The following GALNT13 variants were observed in gnomAD, a reference collection of about 807,000 sequenced individuals.
The protein encoded by GALNT13 is polypeptide N-acetylgalactosaminyltransferase 13, also known as UDP-GalNAc:polypeptide N-acetylgalactosaminyltransferase 13.
A neutral mutation model predicts 64.2 loss-of-function variants in GALNT13; 28 were observed. The ratio of observed to expected loss-of-function variants is 0.44; its 90% CI spans 0.32 to 0.60. The LOEUF (loss-of-function observed/expected upper bound fraction) is 0.60. GALNT13 is among the 20% of genes least tolerant of loss of function. The probability of loss-of-function intolerance (pLI) is 0.05; values close to 1 mark genes in which losing one functional copy is unlikely to be tolerated. For missense variants in GALNT13, 577 were observed against 669.8 expected (o/e 0.86, Z 1.53); for synonymous variants, 214 against 224.6 (o/e 0.95, Z 0.42).
intron 4 of GALNT13, among the ~76,000 whole-genome samples, chr2:154,222,390 T>C (rs1052489268): frequency 6.6e-6 from 1 of 152,144 alleles, no homozygotes; most frequent in African/African-American, 2.4e-5. Context: ...GATCAGCCAA[T>C]ATCATGAAAG....
chr2:154,025,463 C>A (rs1181537622), intron 3 of GALNT13, among the ~76,000 whole-genome samples: 1 of 152,132 alleles, frequency 6.6e-6, no homozygotes, highest in Admixed American at 6.5e-5. Flanking sequence ...ATAACACATT[C>A]ATTCTTTATG....
chr2:154,424,428 A>G (rs1200996640), intron 11 of GALNT13, among the ~76,000 whole-genome samples: 1 of 152,200 alleles, frequency 6.6e-6, no homozygotes, highest in Admixed American at 6.5e-5. Context: ...GTATATTTTA[A>G]ATGACCACTG....
At chr2:153,436,227 T>G in the GALNT13 span, among the ~76,000 whole-genome samples, 1 of 152,230 alleles carries the variant, frequency 6.6e-6, no homozygotes, top group East Asian at 1.9e-4. Context: ...GGATTCGTTT[T>G]GCCAGTATTT....
chr2:153,696,695 CT>C, the GALNT13 span, among the ~76,000 whole-genome samples: 1 of 152,166 alleles, frequency 6.6e-6, no homozygotes, highest in Non-Finnish European at 1.5e-5. Flanking sequence ...TACGTTTGGA[CT>C]GCAGTTGACC....
the GALNT13 span, among the ~76,000 whole-genome samples, chr2:153,564,971 C>T: frequency 6.6e-6 from 1 of 152,110 alleles, no homozygotes; most frequent in Non-Finnish European, 1.5e-5. Flanking sequence ...GCAGCCTTAG[C>T]GCCTAAGGGT....
At chr2:153,406,366 C>T in the GALNT13 span, among the ~76,000 whole-genome samples, 1 of 152,050 alleles carries the variant, frequency 6.6e-6, no homozygotes, top group African/African-American at 2.4e-5. Context: ...ATTTTAACAT[C>T]ACTCTTAAGA....
the GALNT13 span, among the ~76,000 whole-genome samples, chr2:153,559,150 AAGCATCATTATAAT>A: frequency 6.6e-6 from 1 of 152,216 alleles, no homozygotes; most frequent in Non-Finnish European, 1.5e-5. Flanking sequence ...TTTGTAATAT[AAGCATCATTATAAT>A]AGCTAACAAA....
chr2:154,344,026 T>C (rs1003736225), intron 9 of GALNT13, among the ~76,000 whole-genome samples: 4 of 151,966 alleles, frequency 2.6e-5, no homozygotes, highest in Non-Finnish European at 5.9e-5. Context: ...AGGGACACTC[T>C]TTTCTCTCTC....
At chr2:154,258,682 C>G (rs1690519714) in intron 7 of GALNT13, among the ~76,000 whole-genome samples, 1 of 151,044 alleles carries the variant, frequency 6.6e-6, no homozygotes, top group Admixed American at 6.6e-5. Flanking sequence ...GTTTCATGAC[C>G]AGCTAACCAC....
the GALNT13 span, among the ~76,000 whole-genome samples, chr2:153,528,692 C>A: frequency 6.6e-6 from 1 of 151,878 alleles, no homozygotes; most frequent in Admixed American, 6.6e-5. Context: ...TTTTAAAATA[C>A]TTTTAAAAAC....
intron 1 of GALNT13, among the ~76,000 whole-genome samples, chr2:153,873,315 G>A (rs1001672540): frequency 1.3e-5 from 2 of 152,310 alleles, no homozygotes; most frequent in East Asian, 3.9e-4. Context: ...CCCCTTGCCG[G>A]GTCCGAGGGC....
chr2:154,381,967 T>C (rs1004958793), intron 9 of GALNT13, among the ~76,000 whole-genome samples: 5 of 152,068 alleles, frequency 3.3e-5, no homozygotes, highest in Admixed American at 3.3e-4. Context: ...ATTTGTAAAT[T>C]ACATATATTT....
At chr2:153,185,374 G>T in the GALNT13 span, among the ~76,000 whole-genome samples, 1 of 151,960 alleles carries the variant, frequency 6.6e-6, no homozygotes, top group Non-Finnish European at 1.5e-5. Context: ...CTACCTAGTG[G>T]TCCATCTTAT....
chr2:154,247,596 A>T (rs1689848269), intron 7 of GALNT13, among the ~76,000 whole-genome samples: 1 of 152,092 alleles, frequency 6.6e-6, no homozygotes, highest in Non-Finnish European at 1.5e-5. Flanking sequence ...GTAAGAAATT[A>T]CTGATCTCAT....
At chr2:154,320,415 A>G (rs1362662578) in intron 9 of GALNT13, among the ~76,000 whole-genome samples, 1 of 152,176 alleles carries the variant, frequency 6.6e-6, no homozygotes, top group Non-Finnish European at 1.5e-5. Flanking sequence ...TAAACAGAGA[A>G]AGTAAGCAAT....
At chr2:154,335,937 A>T (rs977896180) in intron 9 of GALNT13, among the ~76,000 whole-genome samples, 6 of 151,860 alleles carry the variant, frequency 4.0e-5, no homozygotes, top group African/African-American at 1.4e-4. Context: ...AAATTTATGT[A>T]TTTTTTTTAG....
intron 3 of GALNT13, among the ~76,000 whole-genome samples, chr2:154,109,450 A>G (rs1702808528): frequency 6.6e-6 from 1 of 151,830 alleles, no homozygotes; most frequent in Non-Finnish European, 1.5e-5. Flanking sequence ...TTCCTTTTCT[A>G]TTCAGATGAC....
the GALNT13 span, among the ~76,000 whole-genome samples, chr2:153,606,215 ATATT>A: frequency 1.3e-5 from 2 of 152,092 alleles, no homozygotes; most frequent in Non-Finnish European, 2.9e-5. Flanking sequence ...GTATGTATAT[ATATT>A]TGTATGGGTG....
the GALNT13 span, among the ~76,000 whole-genome samples, chr2:153,088,370 T>C: frequency 6.6e-6 from 1 of 152,310 alleles, no homozygotes; most frequent in South Asian, 2.1e-4. Flanking sequence ...TGAGGCTTTT[T>C]TGGTGACATA....
Sources: gnomAD v4.1 joint callset for allele counts (sites outside exome capture counted in the v4.1 genomes callset) on GRCh38, gnomAD v4.1.1 for gene constraint, MANE v1.5 for transcripts, NCBI Gene and HGNC (gene_info 2026-07-23, HGNC 2026-07-21) for gene names.